The following ROBO1 variants were observed in gnomAD, a reference collection of about 807,000 sequenced individuals.
ROBO1 encodes the protein roundabout guidance receptor 1.
ROBO1 carries 149 observed loss-of-function variants against 195.9 expected under a neutral mutation model. That is an observed-to-expected ratio of 0.76 (90% CI 0.67 to 0.87). ROBO1 has a LOEUF of 0.87. ROBO1 is among the 40% of genes least tolerant of loss of function. The probability of loss-of-function intolerance (pLI) is 0.00; values close to 1 mark genes in which losing one functional copy is unlikely to be tolerated. For synonymous variants in ROBO1, 816 were observed against 733.2 expected (o/e 1.11, Z -1.82); for missense variants, 1,933 against 2,068.3 (o/e 0.93, Z 1.27).
At chr3:79,293,478 C>T (rs1489398793) in intron 2 of ROBO1, among the ~76,000 whole-genome samples, 2 of 152,038 alleles carry the variant, frequency 1.3e-5, no homozygotes, top group East Asian at 1.9e-4. Flanking sequence ...TTAAGACTGT[C>T]GATTTTAGAT....
intron 2 of ROBO1, among the ~76,000 whole-genome samples, chr3:79,518,466 G>A: frequency 6.6e-6 from 1 of 152,004 alleles, no homozygotes; most frequent in East Asian, 1.9e-4. Flanking sequence ...GGTAGTTTTA[G>A]AGTTGCTACT....
intron 3 of ROBO1, among the ~76,000 whole-genome samples, chr3:79,002,930 G>C (rs1308040561): frequency 6.6e-6 from 1 of 151,958 alleles, no homozygotes; most frequent in Non-Finnish European, 1.5e-5. Context: ...ACATTTCTCA[G>C]TCCCTGTGCC....
At chr3:79,050,488 A>C (rs1319404937) in intron 3 of ROBO1, among the ~76,000 whole-genome samples, 1 of 152,150 alleles carries the variant, frequency 6.6e-6, no homozygotes, top group Admixed American at 6.5e-5. Context: ...AGACAGATCA[A>C]TGAGACAGAA....
At chr3:78,626,484 G>C (rs1459573508) in intron 26 of ROBO1, among the ~76,000 whole-genome samples, 3 of 151,948 alleles carry the variant, frequency 2.0e-5, no homozygotes, top group Non-Finnish European at 4.4e-5. Context: ...ATTCATTCGA[G>C]AATATCAAAG....
chr3:79,111,850 G>A (rs549730930), intron 3 of ROBO1, among the ~76,000 whole-genome samples: 2 of 152,136 alleles, frequency 1.3e-5, no homozygotes, highest in South Asian at 4.1e-4. Flanking sequence ...AGACACAAAT[G>A]ATGTTTTAGT....
At chr3:79,743,410 A>G (rs768835882) in intron 1 of ROBO1, among the ~76,000 whole-genome samples, 2 of 152,222 alleles carry the variant, frequency 1.3e-5, no homozygotes, top group Non-Finnish European at 2.9e-5. Flanking sequence ...CTTACCATGA[A>G]TGGAGTTACA....
chr3:79,552,485 T>C (rs986425801), intron 2 of ROBO1, among the ~76,000 whole-genome samples: 2 of 152,108 alleles, frequency 1.3e-5, no homozygotes, highest in African/African-American at 4.8e-5. Context: ...AAGACTTTCA[T>C]GAAACTGAGT....
At chr3:79,384,966 T>C (rs2106653746) in intron 2 of ROBO1, among the ~76,000 whole-genome samples, 1 of 152,214 alleles carries the variant, frequency 6.6e-6, no homozygotes, top group East Asian at 1.9e-4. Context: ...AAAAAACTGC[T>C]GTCTGAAATT....
chr3:79,017,410 A>G (rs1197713478), intron 3 of ROBO1, among the ~76,000 whole-genome samples: 1 of 151,218 alleles, frequency 6.6e-6, no homozygotes, highest in Non-Finnish European at 1.5e-5. Context: ...TGCAATTTGA[A>G]GCTCAGTATG....
chr3:79,343,197 T>C (rs2109232599), intron 2 of ROBO1, among the ~76,000 whole-genome samples: 1 of 152,310 alleles, frequency 6.6e-6, no homozygotes, highest in Non-Finnish European at 1.5e-5. Context: ...CATCGAATAA[T>C]ATTCTATTGT....
chr3:78,889,235 T>C (rs1225977615), intron 4 of ROBO1, among the ~76,000 whole-genome samples: 1 of 152,238 alleles, frequency 6.6e-6, no homozygotes, highest in Non-Finnish European at 1.5e-5. Flanking sequence ...TTCCCCAATA[T>C]ATGTTCATAC....
intron 4 of ROBO1, among the ~76,000 whole-genome samples, chr3:78,883,167 C>T (rs992360237): frequency 2.6e-4 from 40 of 151,404 alleles, no homozygotes; most frequent in African/African-American, 9.0e-4. Flanking sequence ...TGAGACAAGT[C>T]GTTGTGTTTA....
chr3:79,073,838 G>A (rs2079127769), intron 3 of ROBO1, among the ~76,000 whole-genome samples: 3 of 151,088 alleles, frequency 2.0e-5, no homozygotes, highest in Admixed American at 6.6e-5. Flanking sequence ...CTCCCTGGTT[G>A]GAACCTTGAT....
intron 8 of ROBO1, among the ~76,000 whole-genome samples, chr3:78,703,610 TGAG>T (rs2081473581): frequency 6.6e-6 from 1 of 151,828 alleles, no homozygotes; most frequent in South Asian, 2.1e-4. Flanking sequence ...AGGAGGAGGA[TGAG>T]GAGGAGAAGG....
chr3:79,026,788 A>G (rs2078210671), intron 3 of ROBO1, among the ~76,000 whole-genome samples: 1 of 152,096 alleles, frequency 6.6e-6, no homozygotes, highest in Non-Finnish European at 1.5e-5. Flanking sequence ...GCACAGCTGA[A>G]TGACACCCTC....
chr3:79,274,385 A>G (rs1478419630), intron 2 of ROBO1, among the ~76,000 whole-genome samples: 1 of 152,068 alleles, frequency 6.6e-6, no homozygotes, highest in Non-Finnish European at 1.5e-5. Flanking sequence ...ATTAAACAAT[A>G]TGCTCCTGAA....
intron 2 of ROBO1, among the ~76,000 whole-genome samples, chr3:79,272,508 C>A (rs534096013): frequency 1.3e-5 from 2 of 152,152 alleles, no homozygotes; most frequent in South Asian, 4.1e-4. Context: ...GAAAGAGGCA[C>A]TGAAGAGGGT....
chr3:79,616,873 T>C (rs535692903), intron 1 of ROBO1, among the ~76,000 whole-genome samples: 2 of 152,188 alleles, frequency 1.3e-5, no homozygotes, highest in African/African-American at 4.8e-5. Flanking sequence ...TCCCACTCCA[T>C]ATGTGGAGCA....
Position 79,489,037 on chromosome 3 carries a change from G to A in ROBO1, c.88+100787C>T, listed in dbSNP as rs993242750. 2.7e-5 allele frequency among the ~76,000 whole-genome samples: 4 copies of A among 150,624 alleles called. No individual in the cohort carries two copies. The East Asian group carries it at 7.8e-4, about 29-fold the overall frequency. On this transcript the variant is annotated intron_variant, in intron 2 of 30. Transcript: ENST00000464233. ...TTTCACTTAATATTCAATTTAGATG[G>A]GTCATTTAAAATGATTTTATGATAT... is the stretch of plus-strand genomic sequence containing the variant.
Sources: gnomAD v4.1 joint callset for allele counts (sites outside exome capture counted in the v4.1 genomes callset) on GRCh38, gnomAD v4.1.1 for gene constraint, MANE v1.5 for transcripts, NCBI Gene and HGNC (gene_info 2026-07-23, HGNC 2026-07-21) for gene names.